The following DDX42 variants were observed in gnomAD, a reference collection of about 807,000 sequenced individuals.
DDX42 encodes ATP-dependent RNA helicase DDX42.
In DDX42, 22 loss-of-function variants were observed where a neutral mutation model predicts 101.5. That is an observed-to-expected ratio of 0.22 (90% confidence interval 0.15 to 0.31). The LOEUF (loss-of-function observed/expected upper bound fraction) is 0.31. Ranked by LOEUF, DDX42 falls within the 10% of genes least tolerant of loss-of-function variation. The pLI is 1.00. For synonymous variants in DDX42, 402 were observed against 401.2 expected, an observed-to-expected ratio of 1.00 and a Z score of -0.02; for missense variants, 849 against 1,199.9, an observed-to-expected ratio of 0.71 and a Z score of 4.32.
intron 2 of DDX42, among the ~76,000 whole-genome samples, chr17:63,789,558 TGTTTTTG>T (rs1567733024): frequency 0.028 from 2,841 of 99,716 alleles, 523 homozygotes; most frequent in South Asian, 0.059. Flanking sequence ...TTTTTGTTTT[TGTTTTTG>T]TTTTTGTTTT....
intron 5 of DDX42, 30 bp downstream of exon 5, chr17:63,799,655 T>C: frequency 6.2e-7 from 1 of 1,607,208 alleles, no homozygotes; most frequent in Non-Finnish European, 8.5e-7. Context: ...TTCTATCTTT[T>C]ATTTTTATCC....
intron 15 of DDX42, 24 bp downstream of exon 15, chr17:63,813,478 A>G (rs368677726): frequency 1.7e-5 from 27 of 1,599,958 alleles, no homozygotes; most frequent in African/African-American, 6.7e-5. Context: ...CACACTTTCA[A>G]TTGCTCCTGG....
rs1194424985 is a variant in DDX42 at position 63,815,632 on chromosome 17, C to T, written c.1972C>T (p.Leu658=). The change falls in exon 16 of 18, where the codon CTA becomes TTA. Residue 658 remains leucine (L), a synonymous_variant. Transcript: ENST00000389924. ...GKKLNIGGGG[L]GYRERPGLGS... is the part of the protein sequence containing the mutation. ...AAAGCTGAACATTGGTGGAGGAGGC[C>T]TAGGCTACAGGGAGCGGCCTGGCCT... The T allele has an allele frequency of 6.2e-7, 1 of 1,613,860 alleles. No individual in the cohort carries two copies. Among genetic ancestry groups the T allele is most frequent in the Non-Finnish European group, 8.5e-7 (1 of 1,179,966 alleles).
Position 63,792,439 on chromosome 17 carries a change from T to C in DDX42, c.249T>C (p.Ser83=), listed in dbSNP as rs772241174. The change falls in exon 3 of 18, where the codon TCT becomes TCC. Residue 83 remains serine, a synonymous_variant. Coordinates refer to ENST00000389924, the MANE Select transcript of DDX42 (RefSeq NM_203499.3). ...NAYFEDEEED[S]SNVDLPYIPA... is the part of the protein sequence containing the mutation. ...ATTTTGAAGATGAGGAAGAAGATTC[T>C]AGCAACGTTGATTTACCTTACATTC... 20 of 1,613,146 alleles carry C rather than the reference T, an allele frequency of 1.2e-5. No homozygotes were observed. Among genetic ancestry groups the C allele is most frequent in the Admixed American group, 1.7e-5 (1 of 59,860 alleles).
At chr17:63,803,567 CAAAAA>C (rs1165590235) in intron 6 of DDX42, among the ~76,000 whole-genome samples, 1 of 44,246 alleles carries the variant, frequency 2.3e-5, no homozygotes, top group Non-Finnish European at 4.8e-5. Context: ...GACTCCATCT[CAAAAA>C]AAAAAAAAAA....
intron 1 of DDX42, among the ~76,000 whole-genome samples, chr17:63,777,935 G>A (rs959783388): frequency 2.6e-5 from 4 of 152,194 alleles, no homozygotes; most frequent in Non-Finnish European, 5.9e-5. Context: ...CTGAGTACGT[G>A]TGGAGAGACC....
chr17:63,779,315 G>C (rs556324948), intron 1 of DDX42, among the ~76,000 whole-genome samples: 1 of 152,240 alleles, frequency 6.6e-6, no homozygotes, highest in African/African-American at 2.4e-5. Flanking sequence ...CCAGGCTGGA[G>C]TGCATTGGCA....
At chr17:63,804,155 A>G (rs938571148) in intron 6 of DDX42, among the ~76,000 whole-genome samples, 1 of 152,034 alleles carries the variant, frequency 6.6e-6, no homozygotes, top group Admixed American at 6.6e-5. Context: ...TTAAAAAATA[A>G]GTTTAAGAAC....
rs749603200 is a variant in DDX42, at chr17:63,792,399, T to G, written c.222-13T>G. The G allele has an allele frequency of 2.5e-6, 4 of 1,609,104 alleles. No homozygotes were observed. In the South Asian group the frequency reaches 4.4e-5, roughly 18 times the overall value. On this transcript the variant is annotated splice_polypyrimidine_tract_variant and intron_variant, in intron 2 of 17. Coordinates refer to ENST00000389924, the MANE Select transcript of DDX42 (RefSeq NM_203499.3). Reference sequence around the variant, plus strand: ...TAAGCATTCACTTTACCAGTTTGCTTTCTAATTCTCAGCTATTTTGAAGAT... The same window carrying G: ...TAAGCATTCACTTTACCAGTTTGCTGTCTAATTCTCAGCTATTTTGAAGAT...
chr17:63,781,621 C>G (rs2039489076), intron 1 of DDX42, among the ~76,000 whole-genome samples: 1 of 152,160 alleles, frequency 6.6e-6, no homozygotes, highest in Admixed American at 6.6e-5. Flanking sequence ...CTTTCCCCCT[C>G]TTCTTTCTTT....
rs1241835074 is a variant in DDX42 at position 63,774,231 on chromosome 17, C to CGGT, written c.-150_-148dup. Reference sequence around the variant, plus strand: ...GTGGCGGTGGTGGCGGTGGCGGCGGCGGTGGTGGTGGTGGCGGCGGCGGCG... The same window carrying CGGT: ...GTGGCGGTGGTGGCGGTGGCGGCGGCGGTGGTGGTGGTGGTGGCGGCGGCGGCG... On this transcript the variant is annotated 5_prime_UTR_variant, in exon 1 of 18. Transcript: ENST00000389924. 13 of 171,418 alleles carry CGGT rather than the reference C, an allele frequency of 7.6e-5. No homozygotes were observed. Among genetic ancestry groups the CGGT allele is most frequent in the South Asian group, 1.3e-4 (1 of 7,460 alleles). 10.6% of individuals were successfully genotyped at this position (171,418 alleles called of 1,614,324 possible).
intron 1 of DDX42, among the ~76,000 whole-genome samples, chr17:63,778,342 A>AC (rs1440662832): frequency 6.6e-6 from 1 of 152,210 alleles, no homozygotes; most frequent in African/African-American, 2.4e-5. Flanking sequence ...CATTCTTGGG[A>AC]CAGTAGTCAG....
intron 6 of DDX42, among the ~76,000 whole-genome samples, chr17:63,803,002 A>G (rs918914644): frequency 3.9e-5 from 6 of 152,194 alleles, no homozygotes; most frequent in African/African-American, 1.4e-4. Context: ...TTCAGTACTT[A>G]AAGACCATTG....
At chr17:63,805,402 C>T in intron 7 of DDX42, 1 of 494,508 alleles carries the variant, frequency 2.0e-6, no homozygotes, top group South Asian at 2.5e-5. Flanking sequence ...ATATTTCAGT[C>T]AGTTTTATAT....
In DDX42 at chr17:63,780,746, C is replaced by T. The variant is rs572740592; in HGVS notation, c.-16-6288C>T. Among the ~76,000 whole-genome samples the T allele has an allele frequency of 2.0e-5, 3 of 152,318 alleles. No individual in the cohort carries two copies. In the South Asian group the frequency reaches 6.2e-4, roughly 32 times the overall value. Reference sequence around the variant, plus strand: ...ACCTGCCCAAGGTCTCACTGCCTGCCTGTTTGTGGCAGGAGTTGATTTGCT... The same window carrying T: ...ACCTGCCCAAGGTCTCACTGCCTGCTTGTTTGTGGCAGGAGTTGATTTGCT... On this transcript the variant is annotated intron_variant, in intron 1 of 17. Transcript: ENST00000389924.
rs553709010 is a variant in DDX42 at position 63,811,521 on chromosome 17, T to C, written c.1398+348T>C. ...ATTAGGTTGGAACTGACGTTTTAAT[T>C]ATTGTGGTAGGGGCCTACGCAGGAG... On this transcript the variant is annotated intron_variant, in intron 13 of 17. Transcript: ENST00000389924. 3 of 346,530 alleles carry C rather than the reference T, an allele frequency of 8.7e-6. No homozygotes were observed. In the South Asian group the frequency reaches 1.4e-4, roughly 16 times the overall value. The allele number at this position is 346,530 out of a possible 1,614,324, so 21.5% of individuals were successfully genotyped here. A position where few individuals can be genotyped will look rare whatever the true frequency, so the allele number is the denominator to read the frequency against.
At chr17:63,812,602 G>A (rs1219396638) in intron 14 of DDX42, among the ~76,000 whole-genome samples, 1 of 152,162 alleles carries the variant, frequency 6.6e-6, no homozygotes, top group Non-Finnish European at 1.5e-5. Context: ...GTTCTGTCAA[G>A]TTTTAATAAC....
rs1291962714 is a variant in DDX42, at chr17:63,792,501, C to T, written c.311C>T (p.Ser104Phe). The change falls in exon 3 of 18, where the codon TCC becomes TTC. Residue 104 changes from serine to phenylalanine, a missense_variant. Ser to Phe is a radical substitution (Grantham distance 155). Around this residue, in one of 5 missense-constraint regions of DDX42, gnomAD observed 370 missense variants for 608.8 expected, o/e 0.61. Coordinates refer to ENST00000389924, the MANE Select transcript of DDX42 (RefSeq NM_203499.3). ...TCACCAACTCGCCAGCAATTCCATT[C>T]CAAGCCAGTAGATTCTGACAGCGAT... ...ENSPTRQQFH[S>F]KPVDSDSDDD... The T allele has an allele frequency of 2.5e-6, 4 of 1,613,806 alleles. No individual in the cohort carries two copies. In the African/African-American group the frequency reaches 4.0e-5, roughly 16 times the overall value.
chr17:63,779,636 A>G (rs185683130), intron 1 of DDX42, among the ~76,000 whole-genome samples: 5 of 152,188 alleles, frequency 3.3e-5, no homozygotes, highest in Admixed American at 2.0e-4. Context: ...TAAAACTGAA[A>G]TTCTGTACCC....
Sources: gnomAD v4.1 joint callset for allele counts (sites outside exome capture counted in the v4.1 genomes callset) on GRCh38, gnomAD v4.1.1 for gene constraint, gnomAD v4.1.1 regional missense constraint, MANE v1.5 for transcripts, NCBI Gene and HGNC (gene_info 2026-07-23, HGNC 2026-07-21) for gene names.